The following ZNF684 variants were observed in gnomAD, a reference collection of about 807,000 sequenced individuals.
ZNF684 encodes the protein hypothetical protein MGC27466.
ZNF684 carries 13 observed loss-of-function variants against 12.8 expected under a neutral mutation model. The ratio of observed to expected loss-of-function variants is 1.02; its 90% CI spans 0.66 to 1.62. The LOEUF (loss-of-function observed/expected upper bound fraction) is 1.62, where lower values mean the gene tolerates loss of function less well. Among genes scored for constraint, ZNF684 ranks in the 40% most tolerant of loss-of-function variants. The probability of loss-of-function intolerance (pLI) is 0.00; values close to 1 mark genes in which losing one functional copy is unlikely to be tolerated. For missense variants in ZNF684, 384 were observed against 446.9 expected, an observed-to-expected ratio of 0.86 and a Z score of 1.27; for synonymous variants, 118 against 151.8, an observed-to-expected ratio of 0.78 and a Z score of 1.64.
intron 4 of ZNF684, among the ~76,000 whole-genome samples, chr1:40,545,294 C>T (rs1266739076): frequency 2.0e-5 from 3 of 151,958 alleles, no homozygotes; most frequent in African/African-American, 4.8e-5. Context: ...AAAACTTAAG[C>T]GTGGGGAATT....
chr1:40,542,286 G>T (rs911332280), intron 4 of ZNF684, among the ~76,000 whole-genome samples: 20 of 151,968 alleles, frequency 1.3e-4, no homozygotes, highest in Middle Eastern at 3.4e-3. Context: ...AAAACTTTTA[G>T]GTACATCATG....
At chr1:40,543,263 AT>A (rs1306176317) in intron 4 of ZNF684, among the ~76,000 whole-genome samples, 1 of 152,194 alleles carries the variant, frequency 6.6e-6, no homozygotes, top group Non-Finnish European at 1.5e-5. Flanking sequence ...TTTCTACAAG[AT>A]TTATCCAAAT....
rs760822382 is a variant in ZNF684, at chr1:40,541,676, G to A, written c.204G>A (p.Met68Ile). 1 of 1,613,544 alleles carries A rather than the reference G, an allele frequency of 6.2e-7. No homozygotes were observed. Among genetic ancestry groups the A allele is most frequent in the East Asian group, 2.2e-5 (1 of 44,860 alleles). ...LKVEQGQEPW[M>I]VEGANPHESS... ...TAGAGCAAGGACAAGAGCCATGGATGGTGGAGGGAGCGAATCCACACGAGA... is the reference window on the plus strand; with the variant it reads ...TAGAGCAAGGACAAGAGCCATGGATAGTGGAGGGAGCGAATCCACACGAGA... The change falls in exon 4 of 5, where the codon ATG becomes ATA. Residue 68 changes from methionine to isoleucine, a missense_variant. Coordinates refer to ENST00000372699, the MANE Select transcript of ZNF684 (RefSeq NM_152373.4).
In ZNF684 at chr1:40,546,878, A is replaced by C; in HGVS notation, c.555A>C (p.Lys185Asn). Residue 185 changes from lysine to asparagine, a missense_variant, in exon 5 of 5, where the codon AAA becomes AAC. Coordinates refer to ENST00000372699, the MANE Select transcript of ZNF684 (RefSeq NM_152373.4). ...ATGAAAAAAATCATACAAGGAAAAA[A>C]CCTTTTGAATGCAATGACTGTGGAA... Reference protein sequence around the residue: ...IRHEKNHTRKKPFECNDCGKA... With the variant: ...IRHEKNHTRKNPFECNDCGKA... 6 of 1,613,570 alleles carry C rather than the reference A, an allele frequency of 3.7e-6. No homozygotes were observed. The highest frequency in any genetic ancestry group is 5.1e-6 in the Non-Finnish European group (6 of 1,179,900).
rs188034156 is a variant in ZNF684, at chr1:40,544,378, T to C, written c.239-2184T>C. 5.8e-5 allele frequency: 25 copies of C among 427,358 alleles called. No individual in the cohort carries two copies. The East Asian group carries it at 1.8e-3, about 30-fold the overall frequency. 26.5% of individuals were successfully genotyped at this position (427,358 alleles called of 1,614,324 possible). ...GTTTTGTTTTCTTGTTGTTGTTTGT[T>C]TGTCTTTTTTTGAGACAGAGTCTCG... On this transcript the variant is annotated intron_variant, in intron 4 of 4. Transcript: ENST00000372699.
chr1:40,536,434 C>T (rs1327847717), intron 2 of ZNF684, among the ~76,000 whole-genome samples: 3 of 147,812 alleles, frequency 2.0e-5, no homozygotes, highest in South Asian at 2.1e-4. Context: ...CATATTTTAT[C>T]ATGTAAAAGT....
intron 2 of ZNF684, among the ~76,000 whole-genome samples, chr1:40,539,683 G>A (rs1007472159): frequency 1.3e-5 from 2 of 151,852 alleles, no homozygotes; most frequent in Admixed American, 1.3e-4. Context: ...TTATGGTTTC[G>A]ATTTGCATTT....
At chr1:40,533,884 C>T (rs898017078) in intron 2 of ZNF684, among the ~76,000 whole-genome samples, 2 of 139,882 alleles carry the variant, frequency 1.4e-5, no homozygotes, top group African/African-American at 2.7e-5. Flanking sequence ...AGTACAATGG[C>T]GTGATCTCAG....
chr1:40,538,712 G>A (rs1645998434), intron 2 of ZNF684, among the ~76,000 whole-genome samples: 1 of 151,962 alleles, frequency 6.6e-6, no homozygotes, highest in African/African-American at 2.4e-5. Context: ...ACAAAAATCA[G>A]TGATGTGCAC....
intron 4 of ZNF684, 91 bp downstream of exon 4, chr1:40,541,801 A>G: frequency 9.5e-7 from 1 of 1,057,740 alleles, no homozygotes; most frequent in Non-Finnish European, 1.4e-6. Context: ...TCTTAGAAGC[A>G]CCTCTTAAAA....
chr1:40,545,915 C>A (rs200053409), intron 4 of ZNF684, among the ~76,000 whole-genome samples: 2 of 67,892 alleles, frequency 2.9e-5, no homozygotes, highest in Non-Finnish European at 2.7e-5. Flanking sequence ...GTCTCCTTTT[C>A]TTTTTTTTTT....
chr1:40,540,756 A>G, intron 3 of ZNF684, 44 bp downstream of exon 3: 1 of 1,453,532 alleles, frequency 6.9e-7, no homozygotes. Context: ...TTCAGTGTAT[A>G]CTAATAGTGC....
Position 40,539,345 on chromosome 1 carries a change from T to G in ZNF684, c.16-1241T>G, listed in dbSNP as rs139350437. Among the ~76,000 whole-genome samples the G allele has an allele frequency of 1.4e-3, 211 of 152,162 alleles. 1 individual carries two copies. The highest frequency in any genetic ancestry group is 4.8e-3 in the African/African-American group (198 of 41,522). The stretch of plus-strand genomic sequence containing the variant: ...CACCTGGCCTCCAAAAAATATTTTT[T>G]TAATTGCCTGGGTGTGGTGGCATGT... On this transcript the variant is annotated intron_variant, in intron 2 of 4. Coordinates refer to ENST00000372699, the MANE Select transcript of ZNF684 (RefSeq NM_152373.4).
At chr1:40,536,976 G>A (rs1016926445) in intron 2 of ZNF684, among the ~76,000 whole-genome samples, 8 of 151,988 alleles carry the variant, frequency 5.3e-5, no homozygotes, top group South Asian at 2.1e-4. Context: ...ATAAACATAC[G>A]TGTGCATGTG....
At chr1:40,542,587 A>G (rs11208360) in intron 4 of ZNF684, among the ~76,000 whole-genome samples, 70,072 of 152,022 alleles carry the variant, frequency 0.46, 17,204 homozygotes, top group African/African-American at 0.6. Flanking sequence ...TCACTCTGAA[A>G]ACTAAAGTTA....
intron 3 of ZNF684, among the ~76,000 whole-genome samples, chr1:40,541,147 C>G (rs1393411214): frequency 6.6e-6 from 1 of 150,432 alleles, no homozygotes; most frequent in Non-Finnish European, 1.5e-5. Flanking sequence ...TTCACGTAGT[C>G]TGCTTATTCT....
chr1:40,536,184 G>T (rs1645983102), intron 2 of ZNF684, among the ~76,000 whole-genome samples: 1 of 152,042 alleles, frequency 6.6e-6, no homozygotes, highest in African/African-American at 2.4e-5. Context: ...ACGAGGTCAG[G>T]AGATCGAGAC....
chr1:40,534,789 T>TC (rs1645975594), intron 2 of ZNF684, among the ~76,000 whole-genome samples: 1 of 151,130 alleles, frequency 6.6e-6, no homozygotes, highest in Non-Finnish European at 1.5e-5. Context: ...GGCCAGGAGT[T>TC]CAAGACCAGC....
At chr1:40,537,722 G>A (rs549557858) in intron 2 of ZNF684, among the ~76,000 whole-genome samples, 52 of 151,552 alleles carry the variant, frequency 3.4e-4, no homozygotes, top group African/African-American at 1.0e-3. Flanking sequence ...CAGCCTGGGC[G>A]ACAGAGCAAG....
Sources: allele counts gnomAD v4.1 joint callset (sites outside exome capture counted in the v4.1 genomes callset), GRCh38; gene constraint gnomAD v4.1.1; transcripts MANE v1.5; gene names NCBI Gene and HGNC (gene_info 2026-07-23, HGNC 2026-07-21).